The following NAPEPLD variants were observed in gnomAD, a reference collection of about 807,000 sequenced individuals.
NAPEPLD encodes N-acyl-phosphatidylethanolamine-hydrolyzing phospholipase D.
Under a neutral mutation model 38.1 loss-of-function variants are expected in NAPEPLD, and 23 were observed. The observed-to-expected ratio is 0.60, with a 90% confidence interval of 0.43 to 0.86. NAPEPLD has a LOEUF of 0.86. NAPEPLD is among the 40% of genes least tolerant of loss of function. The pLI is 0.00. For missense variants in NAPEPLD, 411 were observed against 476.8 expected, an observed-to-expected ratio of 0.86 and a Z score of 1.28; for synonymous variants, 147 against 162.0, an observed-to-expected ratio of 0.91 and a Z score of 0.71.
chr7:103,112,709 A>T (rs1804780659), intron 4 of NAPEPLD, among the ~76,000 whole-genome samples: 2 of 152,122 alleles, frequency 1.3e-5, no homozygotes, highest in Non-Finnish European at 2.9e-5. Context: ...CTATGTAACA[A>T]ACCTGTATGT....
chr7:103,107,343 C>G (rs1010982566), intron 4 of NAPEPLD, among the ~76,000 whole-genome samples: 2 of 152,094 alleles, frequency 1.3e-5, no homozygotes, highest in Non-Finnish European at 2.9e-5. Context: ...CACTTCCTCT[C>G]CTCCAAAGGA....
chr7:103,126,073 AG>A (rs943574149), intron 2 of NAPEPLD, among the ~76,000 whole-genome samples: 35 of 152,080 alleles, frequency 2.3e-4, no homozygotes, highest in African/African-American at 8.0e-4. Flanking sequence ...TGGGAGGCTG[AG>A]GGTCACTAGA....
chr7:103,148,792 C>G lies in NAPEPLD; in HGVS notation c.-17+19G>C. 1.0e-6 allele frequency: 1 copy of G among 985,062 alleles called. No homozygotes were observed. The allele number at this position is 985,062 out of a possible 1,614,324, so 61.0% of individuals were successfully genotyped here. A position where few individuals can be genotyped will look rare whatever the true frequency, so the allele number is the denominator to read the frequency against. The stretch of plus-strand genomic sequence containing the variant: ...GTCGACCCATTCATTTACATACAAC[C>G]AAAAGAAGATAAACCCACATGTATT... On this transcript the variant is annotated intron_variant, in intron 1 of 4. Coordinates refer to ENST00000465647, the MANE Select transcript of NAPEPLD (RefSeq NM_001122838.3).
chr7:103,128,464 CAAAA>C lies in NAPEPLD; in HGVS notation c.294+15_294+18del, dbSNP rs1563361698. On this transcript the variant is annotated intron_variant, in intron 2 of 4. Transcript: ENST00000465647. Reference sequence around the variant, plus strand: ...ATATGAAGAGCAAATATAAAGCACTCAAAAAAGCCAAGCGCTACCTCTTTAGAAC... The same window carrying C: ...ATATGAAGAGCAAATATAAAGCACTCAAGCCAAGCGCTACCTCTTTAGAAC... 2 of 1,611,718 alleles carry C rather than the reference CAAAA, an allele frequency of 1.2e-6. No homozygotes were observed. The highest frequency in any genetic ancestry group is 2.2e-5 in the East Asian group (1 of 44,854).
intron 4 of NAPEPLD, among the ~76,000 whole-genome samples, chr7:103,108,247 G>A (rs944835382): frequency 6.6e-6 from 1 of 150,710 alleles, no homozygotes. Context: ...GGTTCAAGCA[G>A]TTTTCCAGCC....
At chr7:103,105,668 C>A in intron 4 of NAPEPLD, among the ~76,000 whole-genome samples, 1 of 152,194 alleles carries the variant, frequency 6.6e-6, no homozygotes, top group Non-Finnish European at 1.5e-5. Context: ...GGGTAACTGG[C>A]TGGGTGCAGT....
chr7:103,131,089 C>A (rs1412542075), intron 1 of NAPEPLD, among the ~76,000 whole-genome samples: 2 of 152,058 alleles, frequency 1.3e-5, no homozygotes, highest in Non-Finnish European at 2.9e-5. Flanking sequence ...ATATGTCCAA[C>A]AGATGGCAGA....
chr7:103,135,536 T>G (rs1809849384), intron 1 of NAPEPLD, among the ~76,000 whole-genome samples: 1 of 152,126 alleles, frequency 6.6e-6, no homozygotes, highest in Admixed American at 6.5e-5. Flanking sequence ...ACCAAAAAAG[T>G]ATTGCACTGT....
At chr7:103,106,144 G>A (rs1803287654) in intron 4 of NAPEPLD, among the ~76,000 whole-genome samples, 1 of 152,018 alleles carries the variant, frequency 6.6e-6, no homozygotes, top group Non-Finnish European at 1.5e-5. Context: ...ACAAGGGGTT[G>A]GGGAATTCTC....
intron 2 of NAPEPLD, among the ~76,000 whole-genome samples, chr7:103,126,456 C>G (rs1807812792): frequency 6.6e-6 from 1 of 152,174 alleles, no homozygotes; most frequent in African/African-American, 2.4e-5. Context: ...GTGCCAATGG[C>G]TAAAGTTAGG....
intron 1 of NAPEPLD, chr7:103,141,668 T>C (rs1305762135): frequency 4.4e-6 from 4 of 911,428 alleles, no homozygotes; most frequent in East Asian, 4.8e-5. Flanking sequence ...CGTGACCTTC[T>C]CTGGCATTCG....
intron 4 of NAPEPLD, among the ~76,000 whole-genome samples, chr7:103,108,540 T>C (rs1803878180): frequency 6.6e-6 from 1 of 152,172 alleles, no homozygotes; most frequent in African/African-American, 2.4e-5. Context: ...AAGCAAATGC[T>C]GAGAGATTTT....
upstream of NAPEPLD, chr7:103,149,233 CGCGCGGCCAGAGCG>C (rs1012512619): frequency 7.2e-5 from 72 of 996,400 alleles, no homozygotes; most frequent in Non-Finnish European, 8.4e-5. Context: ...GGGCCGCGGG[CGCGCGGCCAGAGCG>C]GCGGGGTGCG....
chr7:103,113,925 A>G (rs1805069752), intron 4 of NAPEPLD, among the ~76,000 whole-genome samples: 1 of 129,396 alleles, frequency 7.7e-6, no homozygotes, highest in Admixed American at 8.3e-5. Context: ...GCCCAGCCAA[A>G]TCTCACTCTT....
intron 1 of NAPEPLD, among the ~76,000 whole-genome samples, chr7:103,135,971 G>C (rs1197353526): frequency 6.6e-6 from 1 of 152,092 alleles, no homozygotes; most frequent in Non-Finnish European, 1.5e-5. Context: ...CCATGAGTTA[G>C]TAGTTTAAAG....
chr7:103,128,421 A>G, intron 2 of NAPEPLD, 62 bp downstream of exon 2: 2 of 1,572,348 alleles, frequency 1.3e-6, no homozygotes, highest in Non-Finnish European at 1.7e-6. Flanking sequence ...ACAAGGGCTC[A>G]AATAACTAGA....
intron 1 of NAPEPLD, among the ~76,000 whole-genome samples, chr7:103,143,829 C>T (rs942314384): frequency 2.6e-5 from 4 of 152,172 alleles, no homozygotes; most frequent in Admixed American, 1.3e-4. Context: ...ATAAAAACAC[C>T]AATGGTAACA....
rs1012575026 is a variant in NAPEPLD, at chr7:103,102,236, T to C, written c.*1193A>G. 4 of 152,238 alleles carry C rather than the reference T, an allele frequency of 2.6e-5. No individual in the cohort carries two copies. Among genetic ancestry groups the C allele is most frequent in the African/African-American group, 9.6e-5 (4 of 41,468 alleles). 9.4% of individuals were successfully genotyped at this position (152,238 alleles called of 1,614,324 possible). On this transcript the variant is annotated 3_prime_UTR_variant, in exon 5 of 5. Transcript: ENST00000465647. ...ATTTTGTCTGTAAAATATTTCATTG[T>C]AGCTGTATTTGTGCTTAGAAGATCT...
chr7:103,146,285 C>T (rs6969228), intron 1 of NAPEPLD, among the ~76,000 whole-genome samples: 2,143 of 151,308 alleles, frequency 0.014, 52 homozygotes, highest in African/African-American at 0.05. Context: ...GCACAGGTTG[C>T]AGTCAGCCGA....
Sources: gnomAD v4.1 joint callset for allele counts (sites outside exome capture counted in the v4.1 genomes callset) on GRCh38, gnomAD v4.1.1 for gene constraint, MANE v1.5 for transcripts, NCBI Gene and HGNC (gene_info 2026-07-23, HGNC 2026-07-21) for gene names.